The following ULK4 variants were observed in gnomAD, a reference collection of about 807,000 sequenced individuals.
ULK4 encodes the protein unc-51 like kinase 4.
A neutral mutation model predicts 160.6 loss-of-function variants in ULK4; 133 were observed. The ratio of observed to expected loss-of-function variants is 0.83; its 90% CI spans 0.72 to 0.96. ULK4 has a LOEUF of 0.96. Among genes scored for constraint, ULK4 ranks in the 40% least tolerant of loss-of-function variants. The probability of loss-of-function intolerance (pLI) is 0.00; values close to 1 mark genes in which losing one functional copy is unlikely to be tolerated. For synonymous variants in ULK4, 534 were observed against 539.8 expected, an observed-to-expected ratio of 0.99 and a Z score of 0.15; for missense variants, 1,580 against 1,499.5, an observed-to-expected ratio of 1.05 and a Z score of -0.89.
chr3:41,602,749 T>C (rs1447078046), intron 31 of ULK4, among the ~76,000 whole-genome samples: 1 of 152,138 alleles, frequency 6.6e-6, no homozygotes, highest in East Asian at 1.9e-4. Flanking sequence ...TTCTATACTT[T>C]ATTTAAACTG....
At position 41,754,416 on chromosome 3, in the gene ULK4, G is replaced by A; in HGVS notation, c.2266C>T (p.Leu756Phe). 1 of 1,613,566 alleles carries A rather than the reference G, an allele frequency of 6.2e-7. No individual in the cohort carries two copies. The highest frequency in any genetic ancestry group is 8.5e-7 in the Non-Finnish European group (1 of 1,179,814). The change falls in exon 22 of 37, where the codon CTT (leucine) becomes TTT (phenylalanine). Residue 756 changes from leucine to phenylalanine, a missense_variant. By Grantham distance (22) the Leu-to-Phe change is conservative. Coordinates refer to ENST00000301831, the MANE Select transcript of ULK4 (RefSeq NM_017886.4). Reference protein sequence around the residue: ...TCIRAKAFLVLLYILIYNREM... With the variant: ...TCIRAKAFLVFLYILIYNREM... Reference sequence around the variant, plus strand: ...CGGTTATAAATCAAAATATATAGAAGAACCAGGAAGGCTTTTGCTCTAATG... The same window carrying A: ...CGGTTATAAATCAAAATATATAGAAAAACCAGGAAGGCTTTTGCTCTAATG...
intron 29 of ULK4, among the ~76,000 whole-genome samples, chr3:41,672,206 C>G (rs1244620336): frequency 6.6e-6 from 1 of 152,156 alleles, no homozygotes; most frequent in African/African-American, 2.4e-5. Context: ...TCCAGCAATT[C>G]CATTGCTAGG....
At chr3:41,955,876 G>T (rs904828072) in intron 1 of ULK4, 17 of 151,796 alleles carry the variant, frequency 1.1e-4, no homozygotes, top group Non-Finnish European at 2.2e-4. Flanking sequence ...TTTATCCAAT[G>T]TGTCTCCATC....
At chr3:41,327,245 G>T (rs570683144) in intron 35 of ULK4, among the ~76,000 whole-genome samples, 8 of 152,308 alleles carry the variant, frequency 5.3e-5, no homozygotes, top group African/African-American at 1.9e-4. Context: ...TTGGAAGAAC[G>T]TGTCTTGTTA....
chr3:41,762,902 A>G (rs1477090237), intron 21 of ULK4, among the ~76,000 whole-genome samples: 1 of 151,948 alleles, frequency 6.6e-6, no homozygotes, highest in East Asian at 1.9e-4. Context: ...TGACCTTGTG[A>G]TCCACCTGCC....
chr3:41,913,023 AT>A, intron 8 of ULK4, 124 bp from the exon 9 acceptor site: 8 of 731,782 alleles, frequency 1.1e-5, no homozygotes, highest in Non-Finnish European at 1.8e-5. Flanking sequence ...AAATCATTTT[AT>A]ATTTTATTAT....
chr3:41,295,795 C>T (rs988629994), intron 35 of ULK4, among the ~76,000 whole-genome samples: 4 of 152,226 alleles, frequency 2.6e-5, no homozygotes, highest in African/African-American at 9.6e-5. Flanking sequence ...AGCAAGGATG[C>T]AGAGCAACAG....
chr3:41,274,084 G>A (rs539961607), intron 35 of ULK4, among the ~76,000 whole-genome samples: 50 of 152,136 alleles, frequency 3.3e-4, no homozygotes, highest in African/African-American at 1.2e-3. Context: ...GCTGTGGCCT[G>A]TAAACTCTCA....
At chr3:41,801,749 G>A (rs1426462482) in intron 19 of ULK4, among the ~76,000 whole-genome samples, 1 of 152,000 alleles carries the variant, frequency 6.6e-6, no homozygotes, top group Non-Finnish European at 1.5e-5. Flanking sequence ...CACCTGGGAG[G>A]CTGAGGTGGG....
chr3:41,543,346 T>C (rs564021128), intron 32 of ULK4, among the ~76,000 whole-genome samples: 2 of 152,214 alleles, frequency 1.3e-5, no homozygotes, highest in South Asian at 2.1e-4. Flanking sequence ...CATGTATATA[T>C]ATATTTAATT....
chr3:41,689,124 G>A (rs1042306332), intron 27 of ULK4, among the ~76,000 whole-genome samples: 1 of 152,112 alleles, frequency 6.6e-6, no homozygotes, highest in Non-Finnish European at 1.5e-5. Flanking sequence ...TCCAATCAGG[G>A]CACACCTGAA....
intron 17 of ULK4, among the ~76,000 whole-genome samples, chr3:41,875,305 C>A (rs1024930910): frequency 1.3e-5 from 2 of 152,154 alleles, no homozygotes; most frequent in Non-Finnish European, 2.9e-5. Flanking sequence ...GTAATCCCAA[C>A]ACTTTGGGAG....
intron 18 of ULK4, among the ~76,000 whole-genome samples, chr3:41,820,466 G>A (rs1477485152): frequency 1.3e-5 from 2 of 152,138 alleles, no homozygotes; most frequent in Admixed American, 1.3e-4. Flanking sequence ...TATCCACCAC[G>A]AAATACTACT....
At chr3:41,652,024 G>A (rs751858122) in intron 30 of ULK4, among the ~76,000 whole-genome samples, 2 of 152,054 alleles carry the variant, frequency 1.3e-5, no homozygotes, top group Non-Finnish European at 2.9e-5. Context: ...CAGCCTATAG[G>A]GCTGCTATGA....
rs192694995 is a variant in ULK4, at chr3:41,826,902, G to C, written c.1765-7396C>G. Among the ~76,000 whole-genome samples the C allele has an allele frequency of 6.2e-4, 89 of 142,476 alleles. 5 individuals carry two copies. The East Asian group carries it at 7.9e-3, about 13-fold the overall frequency. The allele number at this position is 142,476 out of a possible 152,430, so 93.5% of individuals were successfully genotyped here. A position where few individuals can be genotyped will look rare whatever the true frequency, so the allele number is the denominator to read the frequency against. On this transcript the variant is annotated intron_variant, in intron 18 of 36. Coordinates refer to ENST00000301831, the MANE Select transcript of ULK4 (RefSeq NM_017886.4). Reference sequence around the variant, plus strand: ...CACCTATTCCAAAAGTGACCACATAGTTGGAAGTAAAGCTCTCCTCAGCAA... The same window carrying C: ...CACCTATTCCAAAAGTGACCACATACTTGGAAGTAAAGCTCTCCTCAGCAA...
rs552716501 is a variant in ULK4, at chr3:41,836,779, A to T, written c.1657-808T>A. 5.9e-5 allele frequency among the ~76,000 whole-genome samples: 9 copies of T among 152,348 alleles called. No individual in the cohort carries two copies. In the South Asian group the frequency reaches 1.9e-3, roughly 32 times the overall value. On this transcript the variant is annotated intron_variant, in intron 17 of 36. Transcript: ENST00000301831. ...ATAATGTACGCTGAAACTCGACAGCATGTTTTATCAGATCTAGTTAATGTC... is the reference window on the plus strand; with the variant it reads ...ATAATGTACGCTGAAACTCGACAGCTTGTTTTATCAGATCTAGTTAATGTC...
intron 31 of ULK4, among the ~76,000 whole-genome samples, chr3:41,604,376 G>A (rs1180223753): frequency 1.3e-5 from 2 of 151,962 alleles, no homozygotes; most frequent in East Asian, 1.9e-4. Flanking sequence ...GACATGAAGT[G>A]GTATAAAGTA....
intron 34 of ULK4, among the ~76,000 whole-genome samples, chr3:41,414,522 T>A (rs1319482557): frequency 6.6e-6 from 1 of 152,208 alleles, no homozygotes; most frequent in Non-Finnish European, 1.5e-5. Context: ...CCTGGTTCAG[T>A]GCTTTGTCAA....
chr3:41,787,205 T>C (rs1348759062), intron 21 of ULK4, among the ~76,000 whole-genome samples: 1 of 151,790 alleles, frequency 6.6e-6, no homozygotes, highest in Non-Finnish European at 1.5e-5. Flanking sequence ...CCTGCCAGAG[T>C]GGAGTCACAA....
Sources: gnomAD v4.1 joint callset for allele counts (sites outside exome capture counted in the v4.1 genomes callset) on GRCh38, gnomAD v4.1.1 for gene constraint, MANE v1.5 for transcripts, NCBI Gene and HGNC (gene_info 2026-07-23, HGNC 2026-07-21) for gene names.